The following ABCC1 variants were observed in gnomAD, a reference collection of about 807,000 sequenced individuals.
ABCC1 encodes multidrug resistance-associated protein 1.
A neutral mutation model predicts 172.9 loss-of-function variants in ABCC1; 83 were observed. The observed-to-expected ratio is 0.48, with a 90% CI of 0.40 to 0.58. ABCC1 has a LOEUF of 0.58. Among genes scored for constraint, ABCC1 ranks in the 20% least tolerant of loss-of-function variants. ABCC1 has a pLI of 0.00. For synonymous variants in ABCC1, 937 were observed against 825.2 expected, an observed-to-expected ratio of 1.14 and a Z score of -2.32; for missense variants, 1,817 against 2,002.7, an observed-to-expected ratio of 0.91 and a Z score of 1.77.
intron 1 of ABCC1, among the ~76,000 whole-genome samples, chr16:15,953,960 C>T (rs764931482): frequency 4.6e-5 from 7 of 151,628 alleles, no homozygotes; most frequent in South Asian, 2.1e-4. Flanking sequence ...GTTTTCAAAT[C>T]CATCCCTTAG....
intron 5 of ABCC1, among the ~76,000 whole-genome samples, chr16:16,022,396 T>G (rs2048224729): frequency 6.6e-6 from 1 of 152,070 alleles, no homozygotes; most frequent in African/African-American, 2.4e-5. Flanking sequence ...CGGTCCCCAG[T>G]CTCCTGCCTT....
At chr16:16,108,561 C>T (rs1444028001) in intron 21 of ABCC1, among the ~76,000 whole-genome samples, 1 of 150,886 alleles carries the variant, frequency 6.6e-6, no homozygotes, top group Non-Finnish European at 1.5e-5. Flanking sequence ...AGGCATGAGC[C>T]ACTGCGCCCG....
chr16:15,959,619 C>T (rs546024056), intron 1 of ABCC1, among the ~76,000 whole-genome samples: 2 of 152,344 alleles, frequency 1.3e-5, no homozygotes, highest in South Asian at 4.1e-4. Flanking sequence ...AGCCACCATG[C>T]CCAGCCGAAA....
In ABCC1 at chr16:16,057,199, G is replaced by A. The variant is rs77537575; in HGVS notation, c.1677+904G>A. 3.6e-3 allele frequency among the ~76,000 whole-genome samples: 317 copies of A among 86,882 alleles called. 1 individual carries two copies. The highest frequency in any genetic ancestry group is 0.027 in the Middle Eastern group (6 of 222). 57.0% of individuals were successfully genotyped at this position (86,882 alleles called of 152,430 possible). On this transcript the variant is annotated intron_variant, in intron 12 of 30. Coordinates refer to ENST00000399410, the MANE Select transcript of ABCC1 (RefSeq NM_004996.4). ...ACTGCTTAAAAAAAAAAAAAAAAAA[G>A]AAAGAAAAAAAAAGCTGGGCATGGT...
At chr16:15,956,136 G>A (rs1296848652) in intron 1 of ABCC1, among the ~76,000 whole-genome samples, 2 of 152,074 alleles carry the variant, frequency 1.3e-5, no homozygotes, top group East Asian at 3.9e-4. Flanking sequence ...CACTTTGGGA[G>A]GCCAAGGCAG....
Position 16,052,775 on chromosome 16 carries a change from C to A in ABCC1, c.1432C>A (p.Pro478Thr), listed in dbSNP as rs768133082. ...AGVAVMVLMV[P>T]VNAVMAMKTK... ...AGTGGCGGTGATGGTCCTCATGGTG[C>A]CCGTCAATGCTGTGATGGCGATGAA... Residue 478 changes from proline to threonine, a missense_variant, in exon 11 of 31, where the codon CCC (proline) becomes ACC (threonine). Physicochemically the swap from Pro to Thr is conservative, Grantham distance 38 (BLOSUM62 -1). This residue lies in a region of ABCC1 where 1,412 missense variants were observed against 1,600.3 expected (regional missense o/e 0.88). Coordinates refer to ENST00000399410, the MANE Select transcript of ABCC1 (RefSeq NM_004996.4). 13 of 1,613,990 alleles carry A rather than the reference C, an allele frequency of 8.1e-6. No homozygotes were observed. The highest frequency in any genetic ancestry group is 1.0e-5 in the Non-Finnish European group (12 of 1,180,028).
At chr16:16,023,440 T>G (rs1202733555) in intron 5 of ABCC1, among the ~76,000 whole-genome samples, 1 of 152,178 alleles carries the variant, frequency 6.6e-6, no homozygotes, top group East Asian at 1.9e-4. Context: ...CGCCAGGAAG[T>G]TCCCTCGTGC....
intron 13 of ABCC1, among the ~76,000 whole-genome samples, chr16:16,069,356 G>A (rs1327618244): frequency 6.6e-6 from 1 of 151,684 alleles, no homozygotes; most frequent in East Asian, 1.9e-4. Context: ...CCTGGGTGAA[G>A]GGAGTAAGAC....
rs2151981481 is a variant in ABCC1, at chr16:16,079,245, GTCTTTC to G, written c.1989-97_1989-92del. 5 of 1,512,120 alleles carry G rather than the reference GTCTTTC, an allele frequency of 3.3e-6. No individual in the cohort carries two copies. The South Asian group carries it at 4.9e-5, about 15-fold the overall frequency. The allele number at this position is 1,512,120 out of a possible 1,614,324, so 93.7% of individuals were successfully genotyped here. On this transcript the variant is annotated intron_variant, in intron 15 of 30. Coordinates refer to ENST00000399410, the MANE Select transcript of ABCC1 (RefSeq NM_004996.4). ...AGTGTTTAGTACAGTCTTGCCTTCTGTCTTTCTCTTTCTCTACTTGGGGTAAATTGA... is the reference window on the plus strand; with the variant it reads ...AGTGTTTAGTACAGTCTTGCCTTCTGTCTTTCTCTACTTGGGGTAAATTGA...
At chr16:15,959,663 A>G (rs985144968) in intron 1 of ABCC1, among the ~76,000 whole-genome samples, 1 of 151,970 alleles carries the variant, frequency 6.6e-6, no homozygotes, top group Non-Finnish European at 1.5e-5. Context: ...TTGAAGCTCT[A>G]CTCCTTCATT....
At chr16:15,975,030 C>A (rs1567281737) in intron 1 of ABCC1, among the ~76,000 whole-genome samples, 1 of 152,160 alleles carries the variant, frequency 6.6e-6, no homozygotes, top group Admixed American at 6.5e-5. Context: ...CAAGTGATCC[C>A]CCCCAGCCTT....
intron 1 of ABCC1, among the ~76,000 whole-genome samples, chr16:16,007,421 C>G (rs1242844859): frequency 6.6e-6 from 1 of 152,156 alleles, no homozygotes; most frequent in African/African-American, 2.4e-5. Context: ...GGCAGCATCT[C>G]ACTATCTTGC....
intron 3 of ABCC1, 34 bp downstream of exon 3, chr16:16,009,935 CTG>C: frequency 6.5e-7 from 1 of 1,545,088 alleles, no homozygotes; most frequent in Non-Finnish European, 8.7e-7. Context: ...CCTGGGCCAT[CTG>C]CTGGGCTCAG....
At chr16:15,997,093 C>CTT (rs34024385) in intron 1 of ABCC1, among the ~76,000 whole-genome samples, 2,895 of 137,104 alleles carry the variant, frequency 0.021, 96 homozygotes, top group African/African-American at 0.068. Flanking sequence ...TGCGCTTTCT[C>CTT]TTTTTTTTTT....
chr16:16,120,804 G>A (rs534314524), intron 23 of ABCC1, among the ~76,000 whole-genome samples: 62 of 152,184 alleles, frequency 4.1e-4, no homozygotes, highest in South Asian at 2.3e-3. Flanking sequence ...GGAGGCCATC[G>A]GAGGGGGGTG....
intron 7 of ABCC1, among the ~76,000 whole-genome samples, chr16:16,043,222 G>GTTTTTTTTTT (rs147161637): frequency 4.5e-5 from 4 of 89,502 alleles, no homozygotes; most frequent in East Asian, 3.4e-4. Flanking sequence ...TGGCTGGACT[G>GTTTTTTTTTT]TTTTTTTTTT....
At chr16:15,977,870 A>G (rs908316519) in intron 1 of ABCC1, among the ~76,000 whole-genome samples, 2 of 152,198 alleles carry the variant, frequency 1.3e-5, no homozygotes, top group East Asian at 3.8e-4. Flanking sequence ...GATTTTATCC[A>G]TATTAAGGAG....
intron 18 of ABCC1, among the ~76,000 whole-genome samples, chr16:16,090,102 C>T (rs1484034414): frequency 6.6e-6 from 1 of 152,200 alleles, no homozygotes; most frequent in Non-Finnish European, 1.5e-5. Context: ...CACTATTCTA[C>T]TAGTGTTCGT....
intron 19 of ABCC1, chr16:16,094,208 C>A: frequency 3.6e-6 from 1 of 277,654 alleles, no homozygotes; most frequent in South Asian, 4.1e-5. Context: ...CTCTGTAGGT[C>A]CGGCGACGCA....
Sources: allele counts gnomAD v4.1 joint callset (sites outside exome capture counted in the v4.1 genomes callset), GRCh38; gene constraint gnomAD v4.1.1; regional missense constraint gnomAD v4.1.1; transcripts MANE v1.5; gene names NCBI Gene and HGNC (gene_info 2026-07-23, HGNC 2026-07-21).